Variants in CFAP74 observed in about 807,000 individuals in gnomAD.
CFAP74 encodes the protein cilia- and flagella-associated protein 74.
In CFAP74, 124 loss-of-function variants were observed where a neutral mutation model predicts 188.9. The observed-to-expected ratio is 0.66, with a 90% CI of 0.57 to 0.76. The LOEUF (loss-of-function observed/expected upper bound fraction) is 0.76. CFAP74 is among the 30% of genes least tolerant of loss of function. The pLI, the probability that CFAP74 is intolerant of heterozygous loss-of-function variation, is 0.00. For synonymous variants in CFAP74, 956 were observed against 916.7 expected (o/e 1.04, Z -0.77); for missense variants, 2,198 against 2,165.2 (o/e 1.02, Z -0.30).
In CFAP74 at chr1:1,968,672, CAA is replaced by C; in HGVS notation, c.1206_1207del (p.Phe402LeufsTer33). ...GTTGGTTGGGACTGTGGTCTTCTTG[CAA>C]AAGTCAGAAATGTAGTTCCAGGTCT... On this transcript the variant is annotated frameshift_variant, in exon 11 of 39. Coordinates refer to ENST00000682832, the MANE Select transcript of CFAP74 (RefSeq NM_001304360.2). LOFTEE classifies it high-confidence loss of function. The surrounding 1 kb of genome is among the most constrained non-coding windows in gnomAD (Gnocchi z 4.3). 1 of 1,598,914 alleles carries C rather than the reference CAA, an allele frequency of 6.3e-7. No homozygotes were observed. The highest frequency in any genetic ancestry group is 8.6e-7 in the Non-Finnish European group (1 of 1,168,308).
chr1:2,001,008 G>C (rs1006901498), intron 1 of CFAP74, among the ~76,000 whole-genome samples: 2 of 152,190 alleles, frequency 1.3e-5, no homozygotes, highest in Non-Finnish European at 2.9e-5. Flanking sequence ...AGGATCCACA[G>C]TGGCCCAGGC....
chr1:1,959,831 C>G (rs1654942822), intron 15 of CFAP74, 133 bp downstream of exon 15: 1 of 702,842 alleles, frequency 1.4e-6, no homozygotes, highest in African/African-American at 1.9e-5. Context: ...AATAGCAAAA[C>G]AGGGGCCTGC....
intron 10 of CFAP74, 73 bp downstream of exon 10, chr1:1,970,586 A>C: frequency 2.7e-5 from 40 of 1,492,044 alleles, no homozygotes; most frequent in Non-Finnish European, 3.3e-5. Flanking sequence ...TGTGAAGCCG[A>C]ACCCCCTTGG....
At chr1:1,969,758 A>G (rs1197122334) in intron 10 of CFAP74, among the ~76,000 whole-genome samples, 1 of 152,152 alleles carries the variant, frequency 6.6e-6, no homozygotes, top group African/African-American at 2.4e-5. Flanking sequence ...ATCGTGACTC[A>G]GGGGGGTGGG....
At chr1:1,990,472 G>C (rs1026372473) in intron 2 of CFAP74, among the ~76,000 whole-genome samples, 2 of 151,476 alleles carry the variant, frequency 1.3e-5, no homozygotes, top group Non-Finnish European at 2.9e-5. Flanking sequence ...GGAGTGGGGT[G>C]GGGGTGGGAA....
chr1:1,936,906 CA>C (rs34360920), intron 25 of CFAP74, among the ~76,000 whole-genome samples: 35,828 of 136,646 alleles, frequency 0.26, 4,215 homozygotes, highest in African/African-American at 0.31. Context: ...GACCCTGTCT[CA>C]AAAAAAAAAA....
intron 14 of CFAP74, 45 bp downstream of exon 14, chr1:1,963,704 G>A: frequency 7.9e-7 from 1 of 1,257,924 alleles, no homozygotes; most frequent in East Asian, 2.3e-5. Flanking sequence ...TGAACCTCCT[G>A]CTGTCCCTGC....
intron 6 of CFAP74, 92 bp downstream of exon 6, chr1:1,985,294 C>G (rs1478668811): frequency 9.1e-7 from 1 of 1,094,710 alleles, no homozygotes; most frequent in South Asian, 1.3e-5. Context: ...AGGTGCAAAA[C>G]CCCCCAGATC....
At chr1:1,994,136 G>T (rs1657788877) in intron 1 of CFAP74, among the ~76,000 whole-genome samples, 1 of 147,270 alleles carries the variant, frequency 6.8e-6, no homozygotes, top group Non-Finnish European at 1.5e-5. Flanking sequence ...CTGCAGGCCA[G>T]CCTGGGTGAC....
Position 1,927,638 on chromosome 1 carries a change from G to C in CFAP74, c.3496C>G (p.Leu1166Val). 6.5e-7 allele frequency: 1 copy of C among 1,550,178 alleles called. No individual in the cohort carries two copies. Among genetic ancestry groups the C allele is most frequent in the Non-Finnish European group, 8.7e-7 (1 of 1,146,864 alleles). Residue 1166 changes from leucine to valine, a missense_variant, in exon 28 of 39, where the codon CTG becomes GTG. By Grantham distance (32) the Leu-to-Val change is conservative (BLOSUM62 1). Coordinates refer to ENST00000682832, the MANE Select transcript of CFAP74 (RefSeq NM_001304360.2). Reference sequence around the variant, plus strand: ...CTCAGCTCCCGCTTCCGCATCTCCAGGACGTGGGGGACAGAGACTTTGAAC... The same window carrying C: ...CTCAGCTCCCGCTTCCGCATCTCCACGACGTGGGGGACAGAGACTTTGAAC... The part of the protein sequence containing the change: ...KLFKVSVPHV[L>V]EMRKRELRPS...
chr1:1,936,906 CAAA>C (rs34360920), intron 25 of CFAP74, among the ~76,000 whole-genome samples: 5 of 136,812 alleles, frequency 3.7e-5, no homozygotes, highest in African/African-American at 2.8e-5. Context: ...GACCCTGTCT[CAAA>C]AAAAAAAAAA....
At position 1,951,449 on chromosome 1, in the gene CFAP74, CA is replaced by C. The variant is rs372664317; in HGVS notation, c.2176+4241del. ...AAGCAATTACTTTTGCACCTCTGTT[CA>C]AAACCAGTTGACTATAATTGTGTGT... On this transcript the variant is annotated intron_variant, in intron 18 of 38. Transcript: ENST00000682832. Among the ~76,000 whole-genome samples the C allele has an allele frequency of 1.3e-3, 194 of 152,324 alleles. 1 individual carries two copies. Among genetic ancestry groups the C allele is most frequent in the African/African-American group, 4.5e-3 (187 of 41,576 alleles).
chr1:1,988,930 A>T lies in CFAP74; in HGVS notation c.111T>A (p.Leu37=). The T allele has an allele frequency of 6.3e-7, 1 of 1,590,552 alleles. No homozygotes were observed. The highest frequency in any genetic ancestry group is 8.6e-7 in the Non-Finnish European group (1 of 1,168,558). The change falls in exon 3 of 39, where the codon CTT becomes CTA. Residue 37 remains leucine, a synonymous_variant. Coordinates refer to ENST00000682832, the MANE Select transcript of CFAP74 (RefSeq NM_001304360.2). ...CCACGTCATCCTCAGCTTCCTGTAG[A>T]AGACATTTGATGTCAAACTCCGGAT... ...LEDPEFDIKC[L]LQEAEDDVDP...
At chr1:1,955,159 A>G (rs1654495721) in intron 18 of CFAP74, 3 of 1,280,864 alleles carry the variant, frequency 2.3e-6, no homozygotes, top group Non-Finnish European at 2.0e-6. Context: ...ACGCGAAGAC[A>G]GACAGGAGGA....
intron 5 of CFAP74, 92 bp from the exon 6 acceptor site, chr1:1,985,582 G>T (rs1019173529): frequency 2.0e-6 from 2 of 1,008,318 alleles, no homozygotes; most frequent in Non-Finnish European, 3.1e-6. Context: ...GCCTCCTCTC[G>T]CTCAGGAGGG....
rs887007768 is a variant in CFAP74 at position 1,966,251 on chromosome 1, G to A, written c.1401+120C>T. The A allele has an allele frequency of 5.2e-6, 5 of 956,192 alleles. No homozygotes were observed. The Admixed American group carries it at 1.6e-4, about 30-fold the overall frequency. 59.2% of individuals were successfully genotyped at this position (956,192 alleles called of 1,614,324 possible). A position where few individuals can be genotyped will look rare whatever the true frequency, so the allele number is the denominator to read the frequency against. On this transcript the variant is annotated intron_variant, in intron 12 of 38. Transcript: ENST00000682832. ...CAGGAGAGGGTGGCGGGAGATGGCA[G>A]GCACAGCCAGGAGAAGCCTCAGAGC... is the stretch of plus-strand genomic sequence containing the variant.
chr1:1,959,245 C>CG (rs1022259623), intron 15 of CFAP74, 36 bp from the exon 16 acceptor site: 1 of 1,384,288 alleles, frequency 7.2e-7, no homozygotes, highest in African/African-American at 1.4e-5. Context: ...CAATACACTT[C>CG]TGCAACTTTT....
At chr1:1,950,779 G>A (rs536858376) in intron 18 of CFAP74, among the ~76,000 whole-genome samples, 3 of 152,238 alleles carry the variant, frequency 2.0e-5, no homozygotes, top group Non-Finnish European at 2.9e-5. Context: ...TCTTAACAGC[G>A]TCTTTCAAAA....
intron 28 of CFAP74, 108 bp from the exon 29 acceptor site, chr1:1,927,136 G>C: frequency 7.6e-7 from 1 of 1,318,292 alleles, no homozygotes; most frequent in African/African-American, 1.5e-5. Context: ...AGGGTCCCAA[G>C]CTGTGGCTGT....
Sources: gnomAD v4.1 joint callset for allele counts (sites outside exome capture counted in the v4.1 genomes callset) on GRCh38, gnomAD v4.1.1 for gene constraint, Gnocchi (gnomAD v3.1) non-coding constraint, MANE v1.5 for transcripts, NCBI Gene and HGNC (gene_info 2026-07-23, HGNC 2026-07-21) for gene names.